KCNJ6: variants seen among roughly 807,000 people sequenced by gnomAD.
The protein encoded by KCNJ6 is G protein-activated inward rectifier potassium channel 2.
Under a neutral mutation model 34.2 loss-of-function variants are expected in KCNJ6, and 9 were observed. The ratio of observed to expected loss-of-function variants is 0.26; its 90% CI spans 0.16 to 0.46. The LOEUF (loss-of-function observed/expected upper bound fraction) is 0.46, where lower values mean the gene tolerates loss of function less well. Ranked by LOEUF, KCNJ6 falls within the 20% of genes least tolerant of loss-of-function variation. KCNJ6 has a pLI of 1.00. For missense variants in KCNJ6, 236 were observed against 531.3 expected (o/e 0.44, Z 5.46); for synonymous variants, 196 against 207.1 (o/e 0.95, Z 0.46).
chr21:37,706,367 G>A (rs565887676), intron 3 of KCNJ6, among the ~76,000 whole-genome samples: 23 of 152,154 alleles, frequency 1.5e-4, no homozygotes, highest in Non-Finnish European at 3.1e-4. Context: ...TGATTTACTC[G>A]AAGCTCCTGT....
intron 3 of KCNJ6, among the ~76,000 whole-genome samples, chr21:37,667,186 T>TAAAAAAAAAAA (rs1569441641): frequency 3.6e-3 from 308 of 86,674 alleles, no homozygotes; most frequent in East Asian, 9.8e-3. Flanking sequence ...AAAAAAAAAT[T>TAAAAAAAAAAA]AAATGAGGCA....
chr21:37,765,545 A>T (rs1186600498), intron 2 of KCNJ6, among the ~76,000 whole-genome samples: 1 of 152,208 alleles, frequency 6.6e-6, no homozygotes, highest in Non-Finnish European at 1.5e-5. Context: ...CAGACACGGA[A>T]TTCTCTGGTC....
intron 2 of KCNJ6, among the ~76,000 whole-genome samples, chr21:37,807,522 T>C (rs546526597): frequency 1.3e-5 from 2 of 152,378 alleles, no homozygotes; most frequent in African/African-American, 4.8e-5. Flanking sequence ...CGTAAGATTA[T>C]AATACCACAT....
At chr21:37,857,941 G>A (rs1231816501) in intron 1 of KCNJ6, among the ~76,000 whole-genome samples, 3 of 152,142 alleles carry the variant, frequency 2.0e-5, no homozygotes, top group Non-Finnish European at 4.4e-5. Flanking sequence ...GACACAGAGT[G>A]TAATTTGAGA....
At chr21:37,838,015 G>A (rs1301939693) in intron 2 of KCNJ6, among the ~76,000 whole-genome samples, 2 of 152,094 alleles carry the variant, frequency 1.3e-5, no homozygotes, top group Non-Finnish European at 2.9e-5. Context: ...CAATAAACTC[G>A]GACATTGGGT....
chr21:37,737,995 G>A (rs1350452800), intron 2 of KCNJ6, among the ~76,000 whole-genome samples: 1 of 152,178 alleles, frequency 6.6e-6, no homozygotes, highest in Non-Finnish European at 1.5e-5. Flanking sequence ...AGCTCTCCAG[G>A]AAGCCAAGGT....
intron 1 of KCNJ6, among the ~76,000 whole-genome samples, chr21:37,871,162 C>T (rs2055650118): frequency 6.6e-6 from 1 of 152,144 alleles, no homozygotes; most frequent in Admixed American, 6.5e-5. Context: ...TGGATGAGAA[C>T]TATCATGGCA....
At chr21:37,901,665 A>G (rs1417151159) in intron 1 of KCNJ6, among the ~76,000 whole-genome samples, 1 of 152,186 alleles carries the variant, frequency 6.6e-6, no homozygotes, top group East Asian at 1.9e-4. Context: ...AATCTTTCTA[A>G]AAAGTGAGCT....
At chr21:37,825,503 C>G (rs1027861447) in intron 2 of KCNJ6, among the ~76,000 whole-genome samples, 4 of 152,176 alleles carry the variant, frequency 2.6e-5, no homozygotes, top group African/African-American at 9.7e-5. Flanking sequence ...CAATACCTCA[C>G]TCGATCCAAC....
chr21:37,651,629 C>T (rs1488595139), intron 3 of KCNJ6, among the ~76,000 whole-genome samples: 1 of 152,174 alleles, frequency 6.6e-6, no homozygotes, highest in Non-Finnish European at 1.5e-5. Flanking sequence ...GGACAGGGAA[C>T]ATACAAATTC....
intron 1 of KCNJ6, among the ~76,000 whole-genome samples, chr21:37,895,210 G>A (rs1209724328): frequency 6.6e-6 from 1 of 152,194 alleles, no homozygotes; most frequent in Non-Finnish European, 1.5e-5. Flanking sequence ...AGCAGGAGAA[G>A]GGCTTTTCTT....
chr21:37,656,144 C>A (rs1380816665), intron 3 of KCNJ6, among the ~76,000 whole-genome samples: 1 of 152,226 alleles, frequency 6.6e-6, no homozygotes, highest in Admixed American at 6.5e-5. Flanking sequence ...CCAAATGATA[C>A]ACCCCTGCTC....
intron 1 of KCNJ6, among the ~76,000 whole-genome samples, chr21:37,889,869 G>C (rs1267853711): frequency 1.3e-5 from 2 of 152,116 alleles, no homozygotes; most frequent in Admixed American, 1.3e-4. Flanking sequence ...ATCTTAACTT[G>C]GTTACATCTG....
chr21:37,883,173 T>C (rs1175952368), intron 1 of KCNJ6, among the ~76,000 whole-genome samples: 2 of 152,240 alleles, frequency 1.3e-5, no homozygotes, highest in African/African-American at 4.8e-5. Flanking sequence ...CTTATGCCTT[T>C]GGCAGTTTTT....
At chr21:37,710,637 T>G (rs1483693300) in intron 3 of KCNJ6, among the ~76,000 whole-genome samples, 4 of 152,244 alleles carry the variant, frequency 2.6e-5, no homozygotes, top group African/African-American at 4.8e-5. Flanking sequence ...AAGGCCGTAG[T>G]GGGGGCTGAC....
At chr21:37,785,743 G>T (rs1005068868) in intron 2 of KCNJ6, among the ~76,000 whole-genome samples, 7 of 152,192 alleles carry the variant, frequency 4.6e-5, no homozygotes, top group African/African-American at 1.7e-4. Flanking sequence ...GAATGCCTGT[G>T]TCCTTCCCCC....
chr21:37,769,412 TTTA>T (rs71198893), intron 2 of KCNJ6, among the ~76,000 whole-genome samples: 27,114 of 145,134 alleles, frequency 0.19, 3,088 homozygotes, highest in South Asian at 0.26. Flanking sequence ...AGCCTTCAAT[TTTA>T]TTATTATTAT....
chr21:37,807,804 C>T (rs182904002), intron 2 of KCNJ6, among the ~76,000 whole-genome samples: 1 of 152,290 alleles, frequency 6.6e-6, no homozygotes, highest in Non-Finnish European at 1.5e-5. Context: ...GGCTTTGCTC[C>T]GCAGGCCCAG....
intron 3 of KCNJ6, among the ~76,000 whole-genome samples, chr21:37,670,781 A>G (rs916701893): frequency 2.0e-5 from 3 of 152,214 alleles, no homozygotes; most frequent in African/African-American, 7.2e-5. Flanking sequence ...ACAAAACAAA[A>G]CAAAGCAAAA....
Sources: gnomAD v4.1 joint callset for allele counts (sites outside exome capture counted in the v4.1 genomes callset) on GRCh38, gnomAD v4.1.1 for gene constraint, MANE v1.5 for transcripts, NCBI Gene and HGNC (gene_info 2026-07-23, HGNC 2026-07-21) for gene names.